The following CSMD1 variants were observed in gnomAD, a reference collection of about 807,000 sequenced individuals.
CSMD1 encodes the protein CUB and Sushi multiple domains 1.
CSMD1 carries 213 observed loss-of-function variants against 417.5 expected under a neutral mutation model. The observed-to-expected ratio is 0.51, with a 90% CI of 0.46 to 0.57. CSMD1 has a LOEUF of 0.57. Ranked by LOEUF, CSMD1 falls within the 20% of genes least tolerant of loss-of-function variation. The pLI, the probability that CSMD1 is intolerant of heterozygous loss-of-function variation, is 0.00. For missense variants in CSMD1, 6,923 were observed against 4,529.7 expected, an observed-to-expected ratio of 1.53 and a Z score of -15.17; for synonymous variants, 2,862 against 1,736.8, an observed-to-expected ratio of 1.65 and a Z score of -16.11.
At chr8:3,055,063 G>A (rs1812124548) in intron 49 of CSMD1, among the ~76,000 whole-genome samples, 1 of 152,200 alleles carries the variant, frequency 6.6e-6, no homozygotes, top group Admixed American at 6.5e-5. Flanking sequence ...TGGCTGGAAT[G>A]TGCGCAGTGT....
chr8:4,022,791 A>G (rs1228118740), intron 4 of CSMD1, among the ~76,000 whole-genome samples: 1 of 152,240 alleles, frequency 6.6e-6, no homozygotes, highest in Non-Finnish European at 1.5e-5. Flanking sequence ...TCCACATATT[A>G]AGCAATCGTG....
At position 4,455,620 on chromosome 8, in the gene CSMD1, TC is replaced by T. The variant is rs1244852436; in HGVS notation, c.303-35556del. 1.6e-4 allele frequency among the ~76,000 whole-genome samples: 24 copies of T among 151,770 alleles called. 1 individual carries two copies. Among genetic ancestry groups the T allele is most frequent in the Admixed American group, 1.3e-3 (20 of 15,232 alleles). Reference sequence around the variant, plus strand: ...TTTTTAAATCATCTTATTTTCTCTTTCAGGAGGAAAAACATAAAACGCAATT... The same window carrying T: ...TTTTTAAATCATCTTATTTTCTCTTTAGGAGGAAAAACATAAAACGCAATT... On this transcript the variant is annotated intron_variant, in intron 2 of 69. Transcript: ENST00000635120.
chr8:4,346,736 A>G (rs114066515), intron 3 of CSMD1, among the ~76,000 whole-genome samples: 8,401 of 152,258 alleles, frequency 0.055, 680 homozygotes, highest in African/African-American at 0.18. Flanking sequence ...TTTTAGATAT[A>G]AAAATAAATT....
At chr8:4,068,823 T>G (rs974497656) in intron 3 of CSMD1, among the ~76,000 whole-genome samples, 5 of 152,212 alleles carry the variant, frequency 3.3e-5, no homozygotes. Context: ...ATGGTATCAG[T>G]GACATTCATG....
chr8:3,644,720 G>A, intron 7 of CSMD1, among the ~76,000 whole-genome samples: 1 of 151,950 alleles, frequency 6.6e-6, no homozygotes, highest in Non-Finnish European at 1.5e-5. Flanking sequence ...TTATTTGTGG[G>A]GCCTGTCAGG....
chr8:3,457,791 A>T (rs1816251504), intron 12 of CSMD1, among the ~76,000 whole-genome samples: 1 of 152,334 alleles, frequency 6.6e-6, no homozygotes, highest in South Asian at 2.1e-4. Context: ...GAAAGGAAAA[A>T]ACCTGTTTGT....
chr8:3,050,461 T>C (rs1811747245), intron 50 of CSMD1, among the ~76,000 whole-genome samples: 1 of 152,190 alleles, frequency 6.6e-6, no homozygotes, highest in African/African-American at 2.4e-5. Flanking sequence ...AGAAACATTG[T>C]CCATAAATGT....
At chr8:3,974,099 T>A (rs999943829) in intron 5 of CSMD1, among the ~76,000 whole-genome samples, 5 of 152,068 alleles carry the variant, frequency 3.3e-5, no homozygotes, top group Non-Finnish European at 7.4e-5. Context: ...TTATTATTTC[T>A]AATTACTTTT....
intron 35 of CSMD1, among the ~76,000 whole-genome samples, chr8:3,188,192 C>G (rs1304492297): frequency 2.1e-5 from 3 of 144,466 alleles, no homozygotes; most frequent in East Asian, 2.0e-4. Context: ...ATATATATAC[C>G]TTAATCATGA....
intron 3 of CSMD1, among the ~76,000 whole-genome samples, chr8:4,291,330 T>A (rs1234004583): frequency 6.6e-6 from 1 of 152,146 alleles, no homozygotes; most frequent in Admixed American, 6.5e-5. Context: ...ATCATAATAC[T>A]TTCCTTTAAA....
intron 26 of CSMD1, among the ~76,000 whole-genome samples, chr8:3,260,931 G>C (rs1223047738): frequency 2.0e-5 from 3 of 152,016 alleles, no homozygotes; most frequent in Non-Finnish European, 4.4e-5. Context: ...AAAATATAAA[G>C]AATGCTCAAG....
At chr8:3,194,824 C>A (rs1796614443) in intron 33 of CSMD1, among the ~76,000 whole-genome samples, 1 of 151,856 alleles carries the variant, frequency 6.6e-6, no homozygotes, top group Non-Finnish European at 1.5e-5. Context: ...CAGCAGAAGA[C>A]CCTGGAAGAA....
chr8:3,791,721 G>T (rs768200586), intron 5 of CSMD1, among the ~76,000 whole-genome samples: 4 of 152,122 alleles, frequency 2.6e-5, no homozygotes, highest in Non-Finnish European at 4.4e-5. Flanking sequence ...AACTCAGGAG[G>T]CTGAAGCAAG....
rs560295007 is a variant in CSMD1 at position 4,021,019 on chromosome 8, C to G, written c.610+10886G>C. 3.3e-5 allele frequency among the ~76,000 whole-genome samples: 5 copies of G among 152,186 alleles called. No individual in the cohort carries two copies. The East Asian group carries it at 7.8e-4, about 24-fold the overall frequency. The stretch of plus-strand genomic sequence containing the variant: ...GATTAAACTGCATCTATTTATTAAA[C>G]CCTACAACGTAAGTGAGAATAAAAC... On this transcript the variant is annotated intron_variant, in intron 4 of 69. Coordinates refer to ENST00000635120, the MANE Select transcript of CSMD1 (RefSeq NM_033225.6).
At chr8:3,782,279 G>A (rs1799224422) in intron 5 of CSMD1, among the ~76,000 whole-genome samples, 1 of 152,154 alleles carries the variant, frequency 6.6e-6, no homozygotes, top group Non-Finnish European at 1.5e-5. Context: ...GATACTCATT[G>A]ACTTGCTTAT....
chr8:4,578,675 C>A (rs1165418358), intron 2 of CSMD1, among the ~76,000 whole-genome samples: 2 of 150,736 alleles, frequency 1.3e-5, no homozygotes, highest in Non-Finnish European at 2.9e-5. Flanking sequence ...ATTAGCTGGA[C>A]ATGGTGGCAG....
intron 3 of CSMD1, among the ~76,000 whole-genome samples, chr8:4,231,259 C>T (rs998465893): frequency 2.6e-5 from 4 of 152,178 alleles, no homozygotes; most frequent in Non-Finnish European, 5.9e-5. Flanking sequence ...TGGAAGGAAG[C>T]CATCTGTTAC....
chr8:3,767,260 C>T (rs1425008537), intron 5 of CSMD1, among the ~76,000 whole-genome samples: 1 of 152,208 alleles, frequency 6.6e-6, no homozygotes, highest in African/African-American at 2.4e-5. Flanking sequence ...TTTATGAAAA[C>T]CAGCCGCCTT....
At chr8:4,117,983 G>C (rs887701294) in intron 3 of CSMD1, among the ~76,000 whole-genome samples, 5 of 147,582 alleles carry the variant, frequency 3.4e-5, no homozygotes, top group Admixed American at 2.7e-4. Flanking sequence ...CAAAGGACAA[G>C]AGCAGGCACA....
Sources: allele counts gnomAD v4.1 joint callset (sites outside exome capture counted in the v4.1 genomes callset), GRCh38; gene constraint gnomAD v4.1.1; transcripts MANE v1.5; gene names NCBI Gene and HGNC (gene_info 2026-07-23, HGNC 2026-07-21).